Variants in TTC39C observed in about 807,000 individuals in gnomAD.
TTC39C encodes tetratricopeptide repeat domain 39C.
A neutral mutation model predicts 76.3 loss-of-function variants in TTC39C; 33 were observed. The ratio of observed to expected loss-of-function variants is 0.43; its 90% CI spans 0.33 to 0.58. The LOEUF (loss-of-function observed/expected upper bound fraction) is 0.58. Among genes scored for constraint, TTC39C ranks in the 20% least tolerant of loss-of-function variants. The pLI, the probability that TTC39C is intolerant of heterozygous loss-of-function variation, is 0.04. For synonymous variants in TTC39C, 254 were observed against 260.6 expected, an observed-to-expected ratio of 0.97 and a Z score of 0.24; for missense variants, 595 against 701.4, an observed-to-expected ratio of 0.85 and a Z score of 1.71.
intron 1 of TTC39C, among the ~76,000 whole-genome samples, chr18:24,001,823 G>GTTTTTTTTTTTTTTT (rs750295981): frequency 1.7e-5 from 1 of 57,496 alleles, no homozygotes; most frequent in African/African-American, 4.5e-5. Context: ...CGGTAATTCT[G>GTTTTTTTTTTTTTTT]TTTTTTTTTT....
intron 1 of TTC39C, among the ~76,000 whole-genome samples, chr18:24,034,724 A>T (rs1183854657): frequency 6.6e-6 from 1 of 152,230 alleles, no homozygotes; most frequent in African/African-American, 2.4e-5. Context: ...AAGTGGAATC[A>T]TACAGTATTT....
chr18:24,125,644 T>A, intron 10 of TTC39C, 94 bp downstream of exon 10: 1 of 1,520,834 alleles, frequency 6.6e-7, no homozygotes, highest in African/African-American at 1.4e-5. Context: ...ATTTCATGTT[T>A]ATCTCATCGG....
intron 1 of TTC39C, among the ~76,000 whole-genome samples, chr18:24,060,253 A>T (rs1439133348): frequency 2.0e-5 from 3 of 151,166 alleles, no homozygotes; most frequent in African/African-American, 7.3e-5. Flanking sequence ...TGACTTTTTA[A>T]TAATAACCAT....
At chr18:24,086,500 G>A (rs978669616) in intron 6 of TTC39C, among the ~76,000 whole-genome samples, 10 of 152,116 alleles carry the variant, frequency 6.6e-5, no homozygotes, top group Non-Finnish European at 5.9e-5. Flanking sequence ...TGCTCCTGTC[G>A]TGCCACTTGC....
At chr18:24,041,561 G>A (rs2083793277) in intron 1 of TTC39C, among the ~76,000 whole-genome samples, 1 of 152,206 alleles carries the variant, frequency 6.6e-6, no homozygotes, top group Non-Finnish European at 1.5e-5. Context: ...ATTGGCCTCT[G>A]TCATTAGGTT....
chr18:24,114,402 G>T, intron 6 of TTC39C, 152 bp from the exon 7 acceptor site: 1 of 585,004 alleles, frequency 1.7e-6, no homozygotes, highest in Middle Eastern at 3.5e-4. Context: ...GGGCAAATTG[G>T]AGTATTTTCC....
chr18:24,015,344 G>A lies in TTC39C; in HGVS notation c.167+306G>A, dbSNP rs1051422993. On this transcript the variant is annotated intron_variant, in intron 1 of 13. Coordinates refer to ENST00000317571, the MANE Select transcript of TTC39C (RefSeq NM_001135993.2). ...CCCTCCCACAGACGTGCCCGGTGCC[G>A]GTAGGCTCCTCTCTGCAGGGCAGCT... 6 of 258,572 alleles carry A rather than the reference G, an allele frequency of 2.3e-5. No homozygotes were observed. In the East Asian group the frequency reaches 3.6e-4, roughly 16 times the overall value. The allele number at this position is 258,572 out of a possible 1,614,324, so 16.0% of individuals were successfully genotyped here. A position where few individuals can be genotyped will look rare whatever the true frequency, so the allele number is the denominator to read the frequency against.
chr18:24,023,985 TATATATATATATATATATATATA>T, intron 1 of TTC39C, among the ~76,000 whole-genome samples: 1 of 5,890 alleles, frequency 1.7e-4, no homozygotes, highest in African/African-American at 3.1e-4. Context: ...TATATACATA[TATATATATATATATATATATATA>T]TATATATATT....
chr18:24,125,056 C>A (rs768810625), intron 9 of TTC39C, among the ~76,000 whole-genome samples: 4 of 152,154 alleles, frequency 2.6e-5, no homozygotes, highest in Non-Finnish European at 5.9e-5. Context: ...CCATACCCGG[C>A]TAATTTTGTA....
intron 1 of TTC39C, among the ~76,000 whole-genome samples, chr18:24,047,142 G>A (rs1221800101): frequency 6.6e-6 from 1 of 151,500 alleles, no homozygotes; most frequent in Non-Finnish European, 1.5e-5. Context: ...CACACAGGCT[G>A]GAGTGCAGTG....
intron 1 of TTC39C, among the ~76,000 whole-genome samples, chr18:24,047,982 A>C (rs1599272223): frequency 1.3e-5 from 2 of 152,342 alleles, no homozygotes; most frequent in South Asian, 4.1e-4. Flanking sequence ...TGAAAGAAGG[A>C]ACACTGTCTT....
chr18:24,028,313 T>G (rs2145670497), intron 1 of TTC39C, among the ~76,000 whole-genome samples: 1 of 152,316 alleles, frequency 6.6e-6, no homozygotes. Flanking sequence ...AATACTTGAG[T>G]GTTTTTCTGT....
At chr18:24,119,602 C>CT (rs1191194000) in intron 8 of TTC39C, among the ~76,000 whole-genome samples, 10 of 147,800 alleles carry the variant, frequency 6.8e-5, no homozygotes, top group African/African-American at 2.6e-4. Flanking sequence ...GTCCATATTC[C>CT]GCATTGCAAT....
chr18:24,052,514 G>A (rs1169491276), intron 1 of TTC39C, among the ~76,000 whole-genome samples: 3 of 150,686 alleles, frequency 2.0e-5, no homozygotes, highest in South Asian at 4.3e-4. Context: ...ACTTAGATGG[G>A]TGATTTTAAA....
intron 1 of TTC39C, among the ~76,000 whole-genome samples, chr18:24,031,862 G>A (rs1197409530): frequency 3.3e-5 from 5 of 152,116 alleles, no homozygotes; most frequent in Non-Finnish European, 7.3e-5. Context: ...AAGAATAAAA[G>A]GTGCCTTGCA....
chr18:24,125,545 G>C lies in TTC39C; in HGVS notation c.1415G>C (p.Ser472Thr), dbSNP rs1322468104. The stretch of plus-strand genomic sequence containing the variant: ...TCCTTCCCCAACCTGCAGAGGATGA[G>C]TCAAGGTAAAAAATTTAAAAAAACC... ...NCSFPNLQRM[S>T]QACHEVDDSS... Residue 472 changes from serine (S) to threonine (T), a missense_variant, in exon 10 of 14, where the codon AGT becomes ACT. By Grantham distance (58) the Ser-to-Thr change is moderately conservative. Transcript: ENST00000317571. 1 of 1,614,002 alleles carries C rather than the reference G, an allele frequency of 6.2e-7. No individual in the cohort carries two copies. The highest frequency in any genetic ancestry group is 8.5e-7 in the Non-Finnish European group (1 of 1,180,028).
intron 1 of TTC39C, among the ~76,000 whole-genome samples, chr18:24,050,562 T>C (rs1479643735): frequency 1.8e-4 from 5 of 27,156 alleles, no homozygotes; most frequent in Non-Finnish European, 2.0e-4. Context: ...AGACCCTGTC[T>C]CAAAAAAAAA....
At chr18:24,008,201 T>C (rs992843544) in intron 1 of TTC39C, among the ~76,000 whole-genome samples, 2 of 152,210 alleles carry the variant, frequency 1.3e-5, no homozygotes, top group African/African-American at 2.4e-5. Context: ...AAACAGGTCA[T>C]GAACACCTAC....
chr18:24,069,929 A>G (rs1431540030), intron 4 of TTC39C, among the ~76,000 whole-genome samples: 3 of 152,224 alleles, frequency 2.0e-5, no homozygotes, highest in Non-Finnish European at 4.4e-5. Flanking sequence ...TGACAGCAGA[A>G]ACTTCCCATT....
Sources: gnomAD v4.1 joint callset for allele counts (sites outside exome capture counted in the v4.1 genomes callset) on GRCh38, gnomAD v4.1.1 for gene constraint, MANE v1.5 for transcripts, NCBI Gene and HGNC (gene_info 2026-07-23, HGNC 2026-07-21) for gene names.